Variants in ARHGAP29 observed in about 807,000 individuals in gnomAD.
ARHGAP29 encodes the protein Rho GTPase activating protein 29, also known as rho GTPase-activating protein 29.
A neutral mutation model predicts 122.6 loss-of-function variants in ARHGAP29; 43 were observed. The observed-to-expected ratio is 0.35, with a 90% CI of 0.27 to 0.45. ARHGAP29 has a LOEUF of 0.45. Ranked by LOEUF, ARHGAP29 falls within the 20% of genes least tolerant of loss-of-function variation. ARHGAP29 has a pLI of 1.00. For missense variants in ARHGAP29, 1,303 were observed against 1,477.2 expected (o/e 0.88, Z 1.93); for synonymous variants, 506 against 497.1 (o/e 1.02, Z -0.24).
Position 94,174,644 on chromosome 1 carries a change from T to C in ARHGAP29, c.3011A>G (p.Asn1004Ser). 1 of 1,614,088 alleles carries C rather than the reference T, an allele frequency of 6.2e-7. No homozygotes were observed. Among genetic ancestry groups the C allele is most frequent in the South Asian group, 1.1e-5 (1 of 91,080 alleles). The change falls in exon 23 of 23, where the codon AAC (asparagine) becomes AGC (serine). Residue 1004 changes from asparagine (N) to serine (S), a missense_variant. Asn to Ser is a conservative substitution (Grantham distance 46). Around this residue, in one of 3 missense-constraint regions of ARHGAP29, gnomAD observed 620 missense variants for 651.2 expected, o/e 0.95. Coordinates refer to ENST00000260526, the MANE Select transcript of ARHGAP29 (RefSeq NM_004815.4). ...CCTTGGAGTATGCCTCTCCACATTG[T>C]TTGTTGACCTATCAGATTTCAGAGA... is the stretch of plus-strand genomic sequence containing the variant. ...PLSLKSDRST[N>S]NVERHTPRTK... is the part of the protein sequence containing the mutation.
rs954032613 is a variant in ARHGAP29, at chr1:94,172,253, GAAATA to G, written c.*1611_*1615del. On this transcript the variant is annotated 3_prime_UTR_variant, in exon 23 of 23. Coordinates refer to ENST00000260526, the MANE Select transcript of ARHGAP29 (RefSeq NM_004815.4). ...ACCCATTATAGGTTGCTGTGAACTT[GAAATA>G]AAATAATCTATGTAGCACCTTGGCA... 1.3e-4 allele frequency: 20 copies of G among 152,092 alleles called. No individual in the cohort carries two copies. Among genetic ancestry groups the G allele is most frequent in the Admixed American group, 1.3e-3 (20 of 15,272 alleles). 9.4% of individuals were successfully genotyped at this position (152,092 alleles called of 1,614,324 possible).
chr1:94,228,128 T>C (rs528938709), intron 2 of ARHGAP29, among the ~76,000 whole-genome samples: 4 of 151,856 alleles, frequency 2.6e-5, no homozygotes, highest in African/African-American at 7.2e-5. Context: ...ATTTGTAAAT[T>C]AGAAAATTAG....
At chr1:94,307,660 A>G in the ARHGAP29 span, among the ~76,000 whole-genome samples, 1 of 152,248 alleles carries the variant, frequency 6.6e-6, no homozygotes, top group Non-Finnish European at 1.5e-5. Context: ...AGATAAAGGT[A>G]GCATTTCAAA....
rs1404912206 is a variant in ARHGAP29 at position 94,170,335 on chromosome 1, T to A, written c.*3534A>T. Among the ~76,000 whole-genome samples, 3 of 152,204 alleles carry A rather than the reference T, an allele frequency of 2.0e-5. No individual in the cohort carries two copies. The highest frequency in any genetic ancestry group is 7.2e-5 in the African/African-American group (3 of 41,458). On this transcript the variant is annotated 3_prime_UTR_variant, in exon 23 of 23. Transcript: ENST00000260526. ...AAATGTCTATCCTAAACCTTATGGG[T>A]CTTATCTAATGATAAACCAAAACTG...
At chr1:94,210,684 A>G (rs1017380483) in intron 3 of ARHGAP29, among the ~76,000 whole-genome samples, 41 of 152,320 alleles carry the variant, frequency 2.7e-4, no homozygotes, top group African/African-American at 9.9e-4. Flanking sequence ...TTCTGCTCTG[A>G]CCAAGATGGA....
intron 17 of ARHGAP29, 81 bp downstream of exon 17, chr1:94,185,261 A>T: frequency 7.0e-7 from 1 of 1,427,048 alleles, no homozygotes; most frequent in Non-Finnish European, 9.3e-7. Flanking sequence ...TTTGCAAAAG[A>T]TCCTAAAAAG....
At chr1:94,228,276 TG>T (rs1652731447) in intron 2 of ARHGAP29, among the ~76,000 whole-genome samples, 1 of 151,828 alleles carries the variant, frequency 6.6e-6, no homozygotes, top group Non-Finnish European at 1.5e-5. Flanking sequence ...TTCATTAATT[TG>T]TTTTCATATA....
chr1:94,245,766 A>G (rs1367822833), intron 1 of ARHGAP29, among the ~76,000 whole-genome samples: 1 of 152,232 alleles, frequency 6.6e-6, no homozygotes, highest in East Asian at 1.9e-4. Flanking sequence ...AAATGGGATC[A>G]GACTAAATTT....
chr1:94,237,488 G>A lies in ARHGAP29; in HGVS notation c.-106C>T, dbSNP rs1653359110. On this transcript the variant is annotated 5_prime_UTR_variant, in exon 1 of 23. Coordinates refer to ENST00000260526, the MANE Select transcript of ARHGAP29 (RefSeq NM_004815.4). ...ACGGCCGCCGCCACCGCCGAGGGCT[G>A]GAGCTCGCTGCCCCCATCCCCCACG... The A allele has an allele frequency of 2.0e-6, 2 of 989,360 alleles. No homozygotes were observed. Among genetic ancestry groups the A allele is most frequent in the South Asian group, 9.0e-5 (2 of 22,270 alleles). 61.3% of individuals were successfully genotyped at this position (989,360 alleles called of 1,614,324 possible). A position where few individuals can be genotyped will look rare whatever the true frequency, so the allele number is the denominator to read the frequency against.
intron 19 of ARHGAP29, 107 bp from the exon 20 acceptor site, chr1:94,180,064 A>C: frequency 2.7e-6 from 2 of 729,614 alleles, no homozygotes; most frequent in Non-Finnish European, 4.3e-6. Context: ...TACATTAAGA[A>C]TATTTAAAGT....
chr1:94,265,895 T>C (rs1255340977), intron 1 of ARHGAP29, among the ~76,000 whole-genome samples: 1 of 152,190 alleles, frequency 6.6e-6, no homozygotes, highest in African/African-American at 2.4e-5. Context: ...ATATGTTTCT[T>C]GGTTCATGGG....
intron 19 of ARHGAP29, among the ~76,000 whole-genome samples, 198 bp from the exon 20 acceptor site, chr1:94,180,155 T>A (rs1570487769): frequency 6.6e-6 from 1 of 152,150 alleles, no homozygotes; most frequent in East Asian, 1.9e-4. Flanking sequence ...TAAATTGTTA[T>A]CTGTATTAAA....
chr1:94,242,479 A>G (rs1012315530), upstream of ARHGAP29, among the ~76,000 whole-genome samples: 3 of 152,202 alleles, frequency 2.0e-5, no homozygotes, highest in Admixed American at 2.0e-4. Flanking sequence ...ATGAAAGTAT[A>G]CAGTAAGGTT....
At chr1:94,274,797 G>T (rs1655121674) in intron 1 of ARHGAP29, among the ~76,000 whole-genome samples, 1 of 152,232 alleles carries the variant, frequency 6.6e-6, no homozygotes, top group Admixed American at 6.5e-5. Flanking sequence ...AACAGCAACA[G>T]CTGGAGCATG....
upstream of ARHGAP29, chr1:94,237,708 G>T (rs1159799309): frequency 2.0e-6 from 2 of 985,246 alleles, no homozygotes; most frequent in Admixed American, 6.2e-5. Flanking sequence ...CGGCAGGTAC[G>T]GGAGGCAACT....
At chr1:94,218,184 G>A (rs1652071338) in intron 3 of ARHGAP29, among the ~76,000 whole-genome samples, 4 of 152,174 alleles carry the variant, frequency 2.6e-5, no homozygotes, top group Admixed American at 2.6e-4. Flanking sequence ...TTGGGGCAGG[G>A]AAAGAGGTTT....
chr1:94,200,050 A>ATGAATCTT (rs1261595817), intron 12 of ARHGAP29, among the ~76,000 whole-genome samples: 1 of 152,232 alleles, frequency 6.6e-6, no homozygotes, highest in East Asian at 1.9e-4. Context: ...AAATCACAGG[A>ATGAATCTT]TGAATCTTTA....
chr1:94,204,535 T>TTTAAGCAAATCTGCTATATGACC lies in ARHGAP29; in HGVS notation c.697+503_697+525dup, dbSNP rs1244574113. Among the ~76,000 whole-genome samples, 1,479 of 152,306 alleles carry TTTAAGCAAATCTGCTATATGACC rather than the reference T, an allele frequency of 9.7e-3. 20 individuals carry two copies. Among genetic ancestry groups the TTTAAGCAAATCTGCTATATGACC allele is most frequent in the African/African-American group, 0.034 (1,408 of 41,554 alleles). On this transcript the variant is annotated intron_variant, in intron 7 of 22. Transcript: ENST00000260526. Reference sequence around the variant, plus strand: ...TATTCTTCCAGTTATGCTATATGACTTTAAGCAAATCTGCTATATGACCTT... The same window carrying TTTAAGCAAATCTGCTATATGACC: ...TATTCTTCCAGTTATGCTATATGACTTTAAGCAAATCTGCTATATGACCTTAAGCAAATCTGCTATATGACCTT...
intron 15 of ARHGAP29, among the ~76,000 whole-genome samples, chr1:94,187,940 T>G (rs1022761245): frequency 2.0e-5 from 3 of 152,052 alleles, no homozygotes; most frequent in African/African-American, 7.2e-5. Context: ...TAAATTTAAA[T>G]ATAAGAGATT....
Sources: gnomAD v4.1 joint callset for allele counts (sites outside exome capture counted in the v4.1 genomes callset) on GRCh38, gnomAD v4.1.1 for gene constraint, gnomAD v4.1.1 regional missense constraint, MANE v1.5 for transcripts, NCBI Gene and HGNC (gene_info 2026-07-23, HGNC 2026-07-21) for gene names.